SYNE2: variants seen among roughly 807,000 people sequenced by gnomAD.
The protein encoded by SYNE2 is spectrin repeat containing nuclear envelope protein 2, also known as nesprin-2.
In SYNE2, 431 loss-of-function variants were observed where a neutral mutation model predicts 856.3. The observed-to-expected ratio is 0.50, with a 90% CI of 0.47 to 0.55. SYNE2 has a LOEUF of 0.55. Among genes scored for constraint, SYNE2 ranks in the 20% least tolerant of loss-of-function variants. The pLI is 0.00. For synonymous variants in SYNE2, 2,923 were observed against 2,872.3 expected (o/e 1.02, Z -0.56); for missense variants, 8,129 against 8,023.2 (o/e 1.01, Z -0.50).
intron 58 of SYNE2, 30 bp downstream of exon 58, chr14:64,087,886 A>T: frequency 6.2e-7 from 1 of 1,611,338 alleles, no homozygotes; most frequent in East Asian, 2.2e-5. Context: ...TTAATCATTC[A>T]GGATTAAATT....
chr14:64,130,138 TTGCAAGGCA>T lies in SYNE2; in HGVS notation c.14233_14241del (p.Gln4745_Met4747del), dbSNP rs1203146181. 9.9e-6 allele frequency: 16 copies of T among 1,614,092 alleles called. No individual in the cohort carries two copies. The highest frequency in any genetic ancestry group is 1.3e-5 in the African/African-American group (1 of 74,934). ...CACTGAGAGCCAGCAAGATGCTTTG[TTGCAAGGCA>T]TGGTGGAACTGGTGAAGATTGGGAA... On this transcript the variant is annotated inframe_deletion, in exon 76 of 116. Coordinates refer to ENST00000555002, the MANE Select transcript of SYNE2 (RefSeq NM_182914.3).
At chr14:64,137,141 T>G (rs2098099817) in intron 78 of SYNE2, among the ~76,000 whole-genome samples, 1 of 152,236 alleles carries the variant, frequency 6.6e-6, no homozygotes, top group African/African-American at 2.4e-5. Flanking sequence ...GACTGCCAGC[T>G]TGTTTTTTGT....
chr14:64,217,650 G>A (rs902968275), intron 108 of SYNE2, among the ~76,000 whole-genome samples: 1 of 152,146 alleles, frequency 6.6e-6, no homozygotes, highest in East Asian at 1.9e-4. Flanking sequence ...ATCCCTTCCT[G>A]TGATGACGCC....
intron 65 of SYNE2, among the ~76,000 whole-genome samples, chr14:64,108,496 A>T (rs2097785490): frequency 6.6e-6 from 1 of 152,008 alleles, no homozygotes; most frequent in Non-Finnish European, 1.5e-5. Context: ...GGTGTGGGGG[A>T]TGGGTACTAT....
intron 47 of SYNE2, among the ~76,000 whole-genome samples, chr14:64,050,289 C>A (rs1595141310): frequency 6.6e-6 from 1 of 152,288 alleles, no homozygotes; most frequent in East Asian, 1.9e-4. Flanking sequence ...ATGACCTAAT[C>A]ACTCCTCAAA....
chr14:64,040,292 G>T (rs2097137902), intron 45 of SYNE2, among the ~76,000 whole-genome samples: 1 of 152,086 alleles, frequency 6.6e-6, no homozygotes, highest in Non-Finnish European at 1.5e-5. Context: ...GTGAGATAAT[G>T]CAGCAATCTG....
chr14:64,088,198 A>G (rs1020335009), intron 58 of SYNE2, among the ~76,000 whole-genome samples: 3 of 152,156 alleles, frequency 2.0e-5, no homozygotes, highest in Non-Finnish European at 2.9e-5. Flanking sequence ...TTAGAGTTAT[A>G]CTACTAACCA....
chr14:64,084,716 A>G (rs947938306), intron 57 of SYNE2: 2 of 458,218 alleles, frequency 4.4e-6, no homozygotes, highest in East Asian at 3.2e-5. Context: ...TTTGTGTAAC[A>G]TATTACTCCA....
At chr14:63,804,866 C>T (rs182570772) in intron 1 of SYNE2, among the ~76,000 whole-genome samples, 1 of 152,216 alleles carries the variant, frequency 6.6e-6, no homozygotes, top group East Asian at 1.9e-4. Context: ...TTTGCCATTA[C>T]TTTGAATGGT....
chr14:64,133,662 C>A (rs532748717), intron 77 of SYNE2, among the ~76,000 whole-genome samples: 15 of 152,224 alleles, frequency 9.9e-5, no homozygotes, highest in Non-Finnish European at 1.9e-4. Context: ...GCAGGAGCAG[C>A]CTAATAGCTT....
At chr14:63,913,950 ACCTTTGCCTC>A (rs1164767318) in intron 2 of SYNE2, among the ~76,000 whole-genome samples, 3 of 151,074 alleles carry the variant, frequency 2.0e-5, no homozygotes, top group Non-Finnish European at 4.4e-5. Flanking sequence ...CTATCCTCCC[ACCTTTGCCTC>A]CCAGAGTGCT....
At chr14:63,916,778 G>C (rs1218365578) in intron 2 of SYNE2, among the ~76,000 whole-genome samples, 1 of 152,050 alleles carries the variant, frequency 6.6e-6, no homozygotes, top group Non-Finnish European at 1.5e-5. Context: ...CTTAGGAAGA[G>C]GAACACTATT....
intron 111 of SYNE2, 50 bp from the exon 112 acceptor site, chr14:64,221,526 T>A: frequency 6.2e-7 from 1 of 1,614,186 alleles, no homozygotes; most frequent in African/African-American, 1.3e-5. Flanking sequence ...TGGCACACCC[T>A]CTTCCAGGGC....
Position 63,997,296 on chromosome 14 carries a change from T to C in SYNE2, c.3153-5T>C, listed in dbSNP as rs2096721039. The C allele has an allele frequency of 6.2e-7, 1 of 1,612,534 alleles. No individual in the cohort carries two copies. The highest frequency in any genetic ancestry group is 8.5e-7 in the Non-Finnish European group (1 of 1,179,244). On this transcript the variant is annotated splice_region_variant and splice_polypyrimidine_tract_variant and intron_variant, in intron 24 of 115. Coordinates refer to ENST00000555002, the MANE Select transcript of SYNE2 (RefSeq NM_182914.3). ...TTTAAACATGCAATTTTGATTCCTT[T>C]CTAGGGGGACCATCACCACATCTGA...
intron 1 of SYNE2, among the ~76,000 whole-genome samples, chr14:63,875,111 TG>T (rs2094685545): frequency 6.6e-6 from 1 of 152,020 alleles, no homozygotes; most frequent in South Asian, 2.1e-4. Flanking sequence ...CTCACAGGTG[TG>T]ATCATGGTGC....
chr14:64,178,723 T>G (rs2098445336), intron 96 of SYNE2, among the ~76,000 whole-genome samples: 1 of 152,172 alleles, frequency 6.6e-6, no homozygotes, highest in African/African-American at 2.4e-5. Context: ...CCTCCCAAAG[T>G]GACAGCAGGC....
chr14:63,967,945 T>C (rs2096417502), intron 11 of SYNE2, 99 bp downstream of exon 11: 3 of 1,201,332 alleles, frequency 2.5e-6, no homozygotes, highest in Admixed American at 1.7e-5. Context: ...GGTGGATCAC[T>C]TGAGGTCAGG....
Position 63,909,165 on chromosome 14 carries a change from A to C in SYNE2, c.17A>C (p.Glu6Ala), listed in dbSNP as rs1253259035. 1 of 1,612,652 alleles carries C rather than the reference A, an allele frequency of 6.2e-7. No homozygotes were observed. The highest frequency in any genetic ancestry group is 1.3e-5 in the African/African-American group (1 of 74,858). Residue 6 changes from glutamate to alanine, a missense_variant, in exon 2 of 116, where the codon GAG (glutamate) becomes GCG (alanine). This residue lies in a region of SYNE2 where 2,422 missense variants were observed against 2,357.4 expected (regional missense o/e 1.03). Coordinates refer to ENST00000555002, the MANE Select transcript of SYNE2 (RefSeq NM_182914.3). MASSP[E>A]LPTEDEQGSW... ...AGTCAAAGAATGGCATCTAGTCCTG[A>C]GCTTCCCACCGAAGATGAACAGGGT...
At chr14:63,940,397 C>T (rs562218963) in intron 2 of SYNE2, among the ~76,000 whole-genome samples, 1 of 152,186 alleles carries the variant, frequency 6.6e-6, no homozygotes, top group African/African-American at 2.4e-5. Flanking sequence ...ACCATTGTCT[C>T]GTCAACAAAC....
Sources: gnomAD v4.1 joint callset for allele counts (sites outside exome capture counted in the v4.1 genomes callset) on GRCh38, gnomAD v4.1.1 for gene constraint, gnomAD v4.1.1 regional missense constraint, MANE v1.5 for transcripts, NCBI Gene and HGNC (gene_info 2026-07-23, HGNC 2026-07-21) for gene names.